Variants in UNG observed in about 807,000 individuals in gnomAD.
UNG encodes the protein uracil DNA glycosylase, also known as uracil-DNA glycosylase.
In UNG, 34 loss-of-function variants were observed where a neutral mutation model predicts 36.5. That is an observed-to-expected ratio of 0.93 (90% CI 0.71 to 1.24). The LOEUF is 1.24. UNG is among the 50% of genes most tolerant of loss of function. UNG has a pLI of 0.00. For missense variants in UNG, 391 were observed against 397.6 expected (o/e 0.98, Z 0.14); for synonymous variants, 172 against 157.8 (o/e 1.09, Z -0.67).
chr12:109,107,384 TG>T (rs1160440947), intron 6 of UNG, among the ~76,000 whole-genome samples: 1 of 151,960 alleles, frequency 6.6e-6, no homozygotes, highest in Non-Finnish European at 1.5e-5. Context: ...TATTTTTTTT[TG>T]TGGAGACAGG....
chr12:109,107,189 G>C (rs1007624068), intron 6 of UNG, among the ~76,000 whole-genome samples: 8 of 151,792 alleles, frequency 5.3e-5, no homozygotes, highest in Middle Eastern at 3.4e-3. Flanking sequence ...CTGTCATTAG[G>C]TGATGTATGA....
chr12:109,098,638 G>T lies in UNG; in HGVS notation c.339G>T (p.Lys113Asn), dbSNP rs2042153116. Residue 113 changes from lysine (K) to asparagine (N), a missense_variant and splice_region_variant, in exon 2 of 7, where the codon AAG becomes AAT. Lys to Asn is a moderately conservative substitution (Grantham distance 94). Transcript: ENST00000242576. ...AGTTCGGGAAACCGTATTTTATCAA[G>T]GTAAATATGGAAATGCACCTTCCAT... ...SGEFGKPYFI[K>N]LMGFVAEERK... is the part of the protein sequence containing the mutation. The T allele has an allele frequency of 6.2e-7, 1 of 1,613,506 alleles. No individual in the cohort carries two copies. Among genetic ancestry groups the T allele is most frequent in the Non-Finnish European group, 8.5e-7 (1 of 1,180,034 alleles).
At position 109,097,903 on chromosome 12, in the gene UNG, A is replaced by T. The variant is rs556699615; in HGVS notation, c.132+92A>T. On this transcript the variant is annotated intron_variant, in intron 1 of 6. Transcript: ENST00000242576. ...GAGGGCGTGCAGGATCGCGCCTCTG[A>T]CTCGGTAAACCCGGGCTCCGCTTTC... 14 of 1,403,040 alleles carry T rather than the reference A, an allele frequency of 1.0e-5. No homozygotes were observed. The Admixed American group carries it at 3.9e-4, about 40-fold the overall frequency. 86.9% of individuals were successfully genotyped at this position (1,403,040 alleles called of 1,614,324 possible). A position where few individuals can be genotyped will look rare whatever the true frequency, so the allele number is the denominator to read the frequency against.
chr12:109,107,983 G>A (rs942585030), intron 6 of UNG, among the ~76,000 whole-genome samples: 3 of 152,100 alleles, frequency 2.0e-5, no homozygotes, highest in South Asian at 2.1e-4. Context: ...TAAATACAGT[G>A]TCTTGGGTAT....
At chr12:109,104,330 G>A (rs751238189) in intron 6 of UNG, among the ~76,000 whole-genome samples, 8 of 151,738 alleles carry the variant, frequency 5.3e-5, no homozygotes, top group Middle Eastern at 6.8e-3. Flanking sequence ...TTACAGGCAT[G>A]AGCCACCACA....
At position 109,098,454 on chromosome 12, in the gene UNG, C is replaced by G. The variant is rs771026474; in HGVS notation, c.155C>G (p.Pro52Arg). The change falls in exon 2 of 7, where the codon CCG (proline) becomes CGG (arginine). Residue 52 changes from proline to arginine, a missense_variant. Physicochemically the swap from Pro to Arg is moderately radical, Grantham distance 103. Transcript: ENST00000242576. ...DAAAIPAKKA[P>R]AGQEEPGTPP... ...CAGGCCATCCCAGCCAAGAAGGCCCCGGCTGGGCAGGAGGAGCCTGGGACG... is the reference window on the plus strand; with the variant it reads ...CAGGCCATCCCAGCCAAGAAGGCCCGGGCTGGGCAGGAGGAGCCTGGGACG... The G allele has an allele frequency of 3.1e-6, 5 of 1,610,320 alleles. No individual in the cohort carries two copies. In the South Asian group the frequency reaches 4.4e-5, roughly 14 times the overall value.
intron 3 of UNG, 109 bp downstream of exon 3, chr12:109,099,393 A>G: frequency 1.1e-6 from 1 of 943,896 alleles, no homozygotes; most frequent in Non-Finnish European, 1.7e-6. Flanking sequence ...AGTAAATAAA[A>G]CACTGAAATC....
chr12:109,097,776 G>C lies in UNG; in HGVS notation c.97G>C (p.Val33Leu). Residue 33 changes from valine (V) to leucine (L), a missense_variant, in exon 1 of 7, where the codon GTG becomes CTG. Coordinates refer to ENST00000242576, the MANE Select transcript of UNG (RefSeq NM_080911.3). The part of the protein sequence containing the change: ...SPEPAVQGTG[V>L]AGVPEESGDA... The stretch of plus-strand genomic sequence containing the variant: ...CGAGCCGGCCGTCCAGGGGACCGGC[G>C]TGGCTGGGGTGCCTGAGGAAAGCGG... 6.4e-7 allele frequency: 1 copy of C among 1,560,712 alleles called. No individual in the cohort carries two copies. Among genetic ancestry groups the C allele is most frequent in the Non-Finnish European group, 8.7e-7 (1 of 1,152,122 alleles).
chr12:109,097,942 C>T, intron 1 of UNG, 131 bp downstream of exon 1: 1 of 1,314,544 alleles, frequency 7.6e-7, no homozygotes, highest in Middle Eastern at 2.7e-4. Context: ...ATAGCCTCCA[C>T]GTGTTCAAAA....
chr12:109,098,277 G>A, intron 1 of UNG, 155 bp from the exon 2 acceptor site: 2 of 1,542,644 alleles, frequency 1.3e-6, no homozygotes, highest in Non-Finnish European at 1.7e-6. Context: ...CCCGGACCGG[G>A]CCCAGCCCTG....
At chr12:109,108,067 A>G (rs1373860185) in intron 6 of UNG, among the ~76,000 whole-genome samples, 1 of 152,126 alleles carries the variant, frequency 6.6e-6, no homozygotes, top group Non-Finnish European at 1.5e-5. Flanking sequence ...TCATCTCATC[A>G]GTATATTTAT....
intron 6 of UNG, among the ~76,000 whole-genome samples, chr12:109,105,861 C>T (rs1357470561): frequency 2.6e-5 from 4 of 152,246 alleles, no homozygotes; most frequent in Non-Finnish European, 5.9e-5. Flanking sequence ...GATGCTTTCT[C>T]CCTGGAAGGC....
chr12:109,108,021 T>A (rs1047798075), intron 6 of UNG, among the ~76,000 whole-genome samples: 1 of 152,188 alleles, frequency 6.6e-6, no homozygotes. Context: ...AAAATGAAAT[T>A]ATTTTGCATT....
At chr12:109,101,384 C>CCAGCTAATTTTTGTATTTTT in intron 3 of UNG, among the ~76,000 whole-genome samples, 1 of 151,782 alleles carries the variant, frequency 6.6e-6, no homozygotes, top group African/African-American at 2.4e-5. Context: ...GCCACCATGC[C>CCAGCTAATTTTTGTATTTTT]AGGCCCTAAA....
In UNG at chr12:109,097,883, C is replaced by T; in HGVS notation, c.132+72C>T. On this transcript the variant is annotated intron_variant, in intron 1 of 6. Coordinates refer to ENST00000242576, the MANE Select transcript of UNG (RefSeq NM_080911.3). Reference sequence around the variant, plus strand: ...GCGGTGGGCCCCGCCTGACGGAGGGCGTGCAGGATCGCGCCTCTGACTCGG... The same window carrying T: ...GCGGTGGGCCCCGCCTGACGGAGGGTGTGCAGGATCGCGCCTCTGACTCGG... 8 of 1,434,206 alleles carry T rather than the reference C, an allele frequency of 5.6e-6. 1 individual carries two copies. The highest frequency in any genetic ancestry group is 6.4e-6 in the Non-Finnish European group (7 of 1,091,696). 88.8% of individuals were successfully genotyped at this position (1,434,206 alleles called of 1,614,324 possible).
At position 109,099,249 on chromosome 12, in the gene UNG, G is replaced by A. The variant is rs761826317; in HGVS notation, c.400G>A (p.Val134Ile). ...HYTVYPPPHQ[V>I]FTWTQMCDIK... ...CACTGTTTATCCACCCCCACACCAAGTCTTCACCTGGACCCAGATGTGTGA... is the reference window on the plus strand; with the variant it reads ...CACTGTTTATCCACCCCCACACCAAATCTTCACCTGGACCCAGATGTGTGA... Residue 134 changes from valine (V) to isoleucine (I), a missense_variant, in exon 3 of 7, where the codon GTC becomes ATC. By Grantham distance (29) the Val-to-Ile change is conservative (BLOSUM62 3). Transcript: ENST00000242576. 1 of 1,614,132 alleles carries A rather than the reference G, an allele frequency of 6.2e-7. No homozygotes were observed. Among genetic ancestry groups the A allele is most frequent in the East Asian group, 2.2e-5 (1 of 44,874 alleles).
intron 6 of UNG, 119 bp from the exon 7 acceptor site, chr12:109,109,710 G>C (rs1260585678): frequency 7.8e-7 from 1 of 1,274,086 alleles, no homozygotes; most frequent in South Asian, 1.3e-5. Flanking sequence ...TTGAACCCGG[G>C]AGGCGGAGGT....
At chr12:109,105,905 G>A (rs1299600364) in intron 6 of UNG, among the ~76,000 whole-genome samples, 1 of 152,218 alleles carries the variant, frequency 6.6e-6, no homozygotes, top group Non-Finnish European at 1.5e-5. Context: ...TTTCAGGGGG[G>A]TAGAGGGGTG....
intron 6 of UNG, among the ~76,000 whole-genome samples, chr12:109,108,528 A>T (rs1165342298): frequency 1.3e-5 from 2 of 152,112 alleles, no homozygotes; most frequent in East Asian, 3.8e-4. Context: ...GGTACTCAGG[A>T]GGCTGAGGTG....
Sources: allele counts gnomAD v4.1 joint callset (sites outside exome capture counted in the v4.1 genomes callset), GRCh38; gene constraint gnomAD v4.1.1; transcripts MANE v1.5; gene names NCBI Gene and HGNC (gene_info 2026-07-23, HGNC 2026-07-21).